Variants in OFD1 observed in about 807,000 individuals in gnomAD.
OFD1 encodes the protein centriole and centriolar satellite protein OFD1.
OFD1 carries 12 observed loss-of-function variants against 81.4 expected under a neutral mutation model. The ratio of observed to expected loss-of-function variants is 0.15; its 90% CI spans 0.09 to 0.24. The LOEUF (loss-of-function observed/expected upper bound fraction) is 0.24, where lower values mean the gene tolerates loss of function less well. Ranked by LOEUF, OFD1 falls within the 10% of genes least tolerant of loss-of-function variation. The pLI, the probability that OFD1 is intolerant of heterozygous loss-of-function variation, is 1.00. For synonymous variants in OFD1, 256 were observed against 263.7 expected (o/e 0.97, Z 0.28); for missense variants, 685 against 733.9 (o/e 0.93, Z 0.77).
chrX:13,750,344 C>G (rs908076764), intron 9 of OFD1, among the ~76,000 whole-genome samples: 1 of 111,721 alleles, frequency 9.0e-6, no homozygotes, highest in African/African-American at 3.3e-5. Flanking sequence ...AGCATATAAA[C>G]TAAATAAATG....
chrX:13,751,777 T>C (rs979667156), intron 10 of OFD1, among the ~76,000 whole-genome samples: 2 of 112,151 alleles, frequency 1.8e-5, no homozygotes, highest in African/African-American at 6.5e-5. Flanking sequence ...GACGTTGCAG[T>C]GAACTGAAGT....
At chrX:13,718,202 G>A in the OFD1 span, among the ~76,000 whole-genome samples, 5 of 113,207 alleles carry the variant, frequency 4.4e-5, no homozygotes, top group East Asian at 2.8e-4. Context: ...AAACTGAGAC[G>A]GCTTCCTTGC....
At chrX:13,722,537 C>G in the OFD1 span, among the ~76,000 whole-genome samples, 14 of 111,637 alleles carry the variant, frequency 1.3e-4, no homozygotes, top group African/African-American at 4.2e-4. Context: ...TCATTCAGTT[C>G]TGCCAAGGAA....
In OFD1 at chrX:13,763,840, T is replaced by G. The variant is rs797045846; in HGVS notation, c.2584T>G (p.Ser862Ala). 13 of 1,204,287 alleles carry G rather than the reference T, an allele frequency of 1.1e-5. No individual in the cohort carries two copies. In the African/African-American group the frequency reaches 1.2e-4, roughly 11 times the overall value. ...CGCTGCTGCAGCTGCTGTGCCCCTC[T>G]CATATCAGCACCCAAGTAAGTTCTT... ...VDAAAAAVPL[S>A]YQHPSVDQKQ... Residue 862 changes from serine to alanine, a missense_variant, in exon 19 of 23, where the codon TCA (serine) becomes GCA (alanine). Transcript: ENST00000340096.
At chrX:13,736,195 A>T in intron 2 of OFD1, 1 of 919,784 alleles carries the variant, frequency 1.1e-6, no homozygotes, top group Non-Finnish European at 1.3e-6. Context: ...TAGGGAAGTG[A>T]AGTTATGAGT....
chrX:13,751,136 G>C (rs2047485146), intron 9 of OFD1, 113 bp from the exon 10 acceptor site: 1 of 676,721 alleles, frequency 1.5e-6, no homozygotes, highest in Non-Finnish European at 2.3e-6. Context: ...CTTCCCAGTA[G>C]TGATATCATG....
At chrX:13,720,292 A>G in the OFD1 span, 2 of 142,350 alleles carry the variant, frequency 1.4e-5, no homozygotes, top group Non-Finnish European at 2.8e-5. Context: ...AGGGGCCCTA[A>G]GTGTCTGGTA....
intron 13 of OFD1, among the ~76,000 whole-genome samples, chrX:13,757,073 C>G (rs1231096882): frequency 2.7e-5 from 3 of 111,813 alleles, no homozygotes; most frequent in Non-Finnish European, 3.8e-5. Context: ...CTTCCAAGTG[C>G]TCTGCACCAC....
At chrX:13,742,877 AC>A (rs1602804081) in intron 5 of OFD1, among the ~76,000 whole-genome samples, 1 of 111,397 alleles carries the variant, frequency 9.0e-6, no homozygotes, top group African/African-American at 3.3e-5. Context: ...ATAGAGCTTT[AC>A]GTCATCAAGA....
chrX:13,760,026 T>C lies in OFD1; in HGVS notation c.1655-89T>C, dbSNP rs750444669. The C allele has an allele frequency of 3.8e-3, 4,318 of 1,127,641 alleles. 9 individuals carry two copies. Among genetic ancestry groups the C allele is most frequent in the Non-Finnish European group, 4.9e-3 (4,012 of 822,355 alleles). 92.9% of individuals were successfully genotyped at this position (1,127,641 alleles called of 1,213,427 possible). ...TGCAAGTTTGTCCTTATTACTCTCTTCCATTTTTCAAAAAAATAATATTCT... is the reference window on the plus strand; with the variant it reads ...TGCAAGTTTGTCCTTATTACTCTCTCCCATTTTTCAAAAAAATAATATTCT... On this transcript the variant is annotated intron_variant, in intron 15 of 22. Transcript: ENST00000340096.
rs1347350012 is a variant in OFD1 at position 13,749,515 on chromosome X, G to T, written c.917G>T (p.Arg306Ile). ...GGAAGAGAAGCAGAGCTGAAGCAAA[G>T]AGTTGAAGCTTTTGAATTGTAAGTA... is the stretch of plus-strand genomic sequence containing the variant. ...LRGREAELKQ[R>I]VEAFELNQKL... is the part of the protein sequence containing the mutation. The change falls in exon 9 of 23, where the codon AGA becomes ATA. Residue 306 changes from arginine (R) to isoleucine (I), a missense_variant. By Grantham distance (97) the Arg-to-Ile change is moderately conservative. Around this residue, in one of 3 missense-constraint regions of OFD1, gnomAD observed 414 missense variants for 447.2 expected, o/e 0.93. Transcript: ENST00000340096. 8.5e-7 allele frequency: 1 copy of T among 1,173,971 alleles called. No individual in the cohort carries two copies. The highest frequency in any genetic ancestry group is 1.7e-5 in the African/African-American group (1 of 57,162).
intron 11 of OFD1, among the ~76,000 whole-genome samples, chrX:13,754,946 A>G (rs1473954604): frequency 2.7e-5 from 3 of 112,688 alleles, no homozygotes; most frequent in African/African-American, 9.7e-5. Context: ...ATGTATAGCA[A>G]GTGGAATTTC....
the OFD1 span, chrX:13,715,933 A>G: frequency 9.0e-7 from 1 of 1,113,005 alleles, no homozygotes; most frequent in Non-Finnish European, 1.2e-6. Context: ...GAGTTACTTC[A>G]ATAGGCCAGT....
chrX:13,728,958 TAGAC>T, the OFD1 span, among the ~76,000 whole-genome samples: 69 of 110,468 alleles, frequency 6.2e-4, no homozygotes, highest in Non-Finnish European at 9.5e-4. Flanking sequence ...ACACCAATAA[TAGAC>T]AGAGAGCCAA....
At chrX:13,724,825 C>G in the OFD1 span, among the ~76,000 whole-genome samples, 3 of 112,404 alleles carry the variant, frequency 2.7e-5, no homozygotes, top group South Asian at 1.1e-3. Flanking sequence ...TGCAAGGGGT[C>G]GGGGGATTTC....
Position 13,746,304 on chromosome X carries a change from G to A in OFD1, c.518-15G>A, listed in dbSNP as rs751192822. On this transcript the variant is annotated splice_polypyrimidine_tract_variant and intron_variant, in intron 6 of 22. Coordinates refer to ENST00000340096, the MANE Select transcript of OFD1 (RefSeq NM_003611.3). ...ATGTTTCTATGTCCTAATTTGATGT[G>A]TTATTTTTTAATAGCTGAGAAGCTT... The A allele has an allele frequency of 7.5e-6, 9 of 1,203,208 alleles. No individual in the cohort carries two copies. In the East Asian group the frequency reaches 2.4e-4, roughly 32 times the overall value.
chrX:13,716,564 A>G, the OFD1 span: 1 of 1,211,445 alleles, frequency 8.3e-7, no homozygotes, highest in Non-Finnish European at 1.1e-6. Context: ...GACACAAACC[A>G]CTCGTTGAAC....
At chrX:13,740,088 G>A in intron 5 of OFD1, 1 of 952,836 alleles carries the variant, frequency 1.0e-6, no homozygotes, top group South Asian at 2.1e-5. Flanking sequence ...TTTTCTGCCA[G>A]CCATTAAGTC....
upstream of OFD1, among the ~76,000 whole-genome samples, chrX:13,730,844 A>T (rs1287736016): frequency 3.8e-5 from 4 of 104,535 alleles, no homozygotes; most frequent in Admixed American, 1.1e-4. Flanking sequence ...GCATGTTCTC[A>T]CTCATAGGTG....
Sources: allele counts gnomAD v4.1 joint callset (sites outside exome capture counted in the v4.1 genomes callset), GRCh38; gene constraint gnomAD v4.1.1; regional missense constraint gnomAD v4.1.1; transcripts MANE v1.5; gene names NCBI Gene and HGNC (gene_info 2026-07-23, HGNC 2026-07-21).